CHML: variants seen among roughly 807,000 people sequenced by gnomAD.
CHML encodes rab proteins geranylgeranyltransferase component A 2.
A neutral mutation model predicts 30.4 loss-of-function variants in CHML; 20 were observed. That is an observed-to-expected ratio of 0.66 (90% CI 0.46 to 0.95). The LOEUF is 0.95. Among genes scored for constraint, CHML ranks in the 40% least tolerant of loss-of-function variants. The pLI, the probability that CHML is intolerant of heterozygous loss-of-function variation, is 0.00. For synonymous variants in CHML, 281 were observed against 275.0 expected (o/e 1.02, Z -0.22); for missense variants, 795 against 768.5 (o/e 1.03, Z -0.41).
At position 241,633,881 on chromosome 1, in the gene CHML, C is replaced by T. The variant is rs765054000; in HGVS notation, c.1886G>A (p.Gly629Glu). The change falls in exon 2 of 2, where the codon GGA becomes GAA. Residue 629 changes from glycine to glutamate, a missense_variant. Coordinates refer to ENST00000366553, the MANE Select transcript of CHML (RefSeq NM_001381853.1). ...TTTGGCCATTACTACATTATTGGTT[C>T]CAGGAGCCTCTGGCTGCTTATCATC... ...DGDDKQPEAP[G>E]TNNVVMAKLE... The T allele has an allele frequency of 1.2e-6, 2 of 1,613,822 alleles. No homozygotes were observed. The highest frequency in any genetic ancestry group is 1.1e-5 in the South Asian group (1 of 91,068).
In CHML at chr1:241,635,587, C is replaced by G. The variant is rs777799166; in HGVS notation, c.180G>C (p.Lys60Asn). The change falls in exon 2 of 2, where the codon AAG becomes AAC. Residue 60 changes from lysine (K) to asparagine (N), a missense_variant. Transcript: ENST00000366553. ...CAATGTCATTGTTTTGCTGATACTC[C>G]TTCAACCAGGATAGCAATCCTGAAA... ...FSFSGLLSWL[K>N]EYQQNNDIGE... is the part of the protein sequence containing the mutation. 6.2e-7 allele frequency: 1 copy of G among 1,614,006 alleles called. No individual in the cohort carries two copies. Among genetic ancestry groups the G allele is most frequent in the Non-Finnish European group, 8.5e-7 (1 of 1,179,968 alleles).
chr1:241,640,313 C>G lies in CHML; in HGVS notation c.-739G>C, dbSNP rs1665078282. ...GCTCAGCTTGCGGCGGGGCTCGCGG[C>G]GCGCTCCGCACTGGGTGGGGTTGGG... On this transcript the variant is annotated 5_prime_UTR_variant, in exon 1 of 2. Transcript: ENST00000366553. 9.1e-7 allele frequency: 1 copy of G among 1,098,984 alleles called. No homozygotes were observed. The highest frequency in any genetic ancestry group is 1.1e-6 in the Non-Finnish European group (1 of 906,808). 68.1% of individuals were successfully genotyped at this position (1,098,984 alleles called of 1,614,324 possible).
chr1:241,636,345 CTAACTT>C (rs1180341570), intron 1 of CHML, among the ~76,000 whole-genome samples: 1 of 152,208 alleles, frequency 6.6e-6, no homozygotes, highest in African/African-American at 2.4e-5. Flanking sequence ...ATACAATTCT[CTAACTT>C]TAGCTTTTAA....
At position 241,634,289 on chromosome 1, in the gene CHML, T is replaced by C. The variant is rs1664778552; in HGVS notation, c.1478A>G (p.Glu493Gly). The part of the protein sequence containing the change: ...EPGACAVRVT[E>G]LCSSTMTCMK... ...GCATGTCATGGTTGAAGAACATAAT[T>C]CTGTGACCCGTACAGCACAAGCTCC... Residue 493 changes from glutamate (E) to glycine (G), a missense_variant, in exon 2 of 2, where the codon GAA becomes GGA. By Grantham distance (98) the Glu-to-Gly change is moderately conservative (BLOSUM62 -2). Coordinates refer to ENST00000366553, the MANE Select transcript of CHML (RefSeq NM_001381853.1). The C allele has an allele frequency of 6.2e-7, 1 of 1,613,802 alleles. No individual in the cohort carries two copies.
chr1:241,635,140 G>C lies in CHML; in HGVS notation c.627C>G (p.Ala209=). 2 of 1,612,596 alleles carry C rather than the reference G, an allele frequency of 1.2e-6. No individual in the cohort carries two copies. Among genetic ancestry groups the C allele is most frequent in the Non-Finnish European group, 1.7e-6 (2 of 1,179,878 alleles). Residue 209 remains alanine, a synonymous_variant, in exon 2 of 2, where the codon GCC becomes GCG. Transcript: ENST00000366553. Reference sequence around the variant, plus strand: ...TAATCCTATTTCTAATTGGTTCATCGGCCTTATCTTCTACTGTAGATTTGC... The same window carrying C: ...TAATCCTATTTCTAATTGGTTCATCCGCCTTATCTTCTACTGTAGATTTGC... ...DESKSTVEDK[A]DEPIRNRITY...
At chr1:241,638,045 G>A (rs1222055573) in intron 1 of CHML, among the ~76,000 whole-genome samples, 5 of 152,068 alleles carry the variant, frequency 3.3e-5, no homozygotes, top group Non-Finnish European at 7.4e-5. Flanking sequence ...AATCATCTTC[G>A]CTAAAAACTT....
rs1664790009 is a variant in CHML, at chr1:241,634,471, T to A, written c.1296A>T (p.Lys432Asn). ...GGTAACTGTCTTCCACAATAAAATATTTAGCATTTATTCTTTGACCAAAGT... is the reference window on the plus strand; with the variant it reads ...GGTAACTGTCTTCCACAATAAAATAATTAGCATTTATTCTTTGACCAAAGT... The part of the protein sequence containing the change: ...IDHFGQRINA[K>N]YFIVEDSYLS... The change falls in exon 2 of 2, where the codon AAA becomes AAT. Residue 432 changes from lysine (K) to asparagine (N), a missense_variant. Physicochemically the swap from Lys to Asn is moderately conservative, Grantham distance 94 (BLOSUM62 0). Transcript: ENST00000366553. 2 of 1,613,760 alleles carry A rather than the reference T, an allele frequency of 1.2e-6. No individual in the cohort carries two copies. The highest frequency in any genetic ancestry group is 1.1e-5 in the South Asian group (1 of 91,080).
Position 241,633,905 on chromosome 1 carries a change from T to C in CHML, c.1862A>G (p.Asp621Gly). The C allele has an allele frequency of 1.2e-6, 2 of 1,613,922 alleles. No individual in the cohort carries two copies. Among genetic ancestry groups the C allele is most frequent in the South Asian group, 1.1e-5 (1 of 91,072 alleles). Residue 621 changes from aspartate to glycine, a missense_variant, in exon 2 of 2, where the codon GAT becomes GGT. Physicochemically the swap from Asp to Gly is moderately conservative, Grantham distance 94. Transcript: ENST00000366553. ...PNPEDIIFDG[D>G]DKQPEAPGTN... Reference sequence around the variant, plus strand: ...TCCAGGAGCCTCTGGCTGCTTATCATCACCATCAAAGATAATGTCTTCTGG... The same window carrying C: ...TCCAGGAGCCTCTGGCTGCTTATCACCACCATCAAAGATAATGTCTTCTGG...
chr1:241,636,975 G>C (rs922818943), intron 1 of CHML, among the ~76,000 whole-genome samples: 5 of 151,522 alleles, frequency 3.3e-5, no homozygotes, highest in Non-Finnish European at 7.4e-5. Flanking sequence ...AAAATAATAA[G>C]GTTCTCCTGT....
In CHML at chr1:241,635,053, C is replaced by T. The variant is rs1200033960; in HGVS notation, c.714G>A (p.Leu238=). 2 of 1,612,958 alleles carry T rather than the reference C, an allele frequency of 1.2e-6. No homozygotes were observed. The highest frequency in any genetic ancestry group is 1.7e-6 in the Non-Finnish European group (2 of 1,179,780). The part of the protein sequence containing the change: ...RFNIDLVSKL[L]YSQGLLIDLL... The stretch of plus-strand genomic sequence containing the variant: ...GATCAATTAGCAATCCTTGAGAATA[C>T]AGCAGTTTTGACACCAAATCAATAT... The change falls in exon 2 of 2, where the codon CTG becomes CTA. Residue 238 remains leucine, a synonymous_variant. Transcript: ENST00000366553.
intron 1 of CHML, among the ~76,000 whole-genome samples, 170 bp from the exon 2 acceptor site, chr1:241,636,243 C>G (rs780552249): frequency 9.9e-5 from 15 of 152,078 alleles, no homozygotes; most frequent in Non-Finnish European, 2.1e-4. Context: ...TGAGAATGGA[C>G]AATAGAGATA....
In CHML at chr1:241,634,743, A is replaced by G. The variant is rs1171692537; in HGVS notation, c.1024T>C (p.Ser342Pro). ...TPNLQHFVLH[S>P]IAMTSESSCT... ...GATGATTCTGATGTCATTGCAATTG[A>G]GTGCAGTACAAAATGTTGAAGGTTG... The change falls in exon 2 of 2, where the codon TCA (serine) becomes CCA (proline). Residue 342 changes from serine (S) to proline (P), a missense_variant. By Grantham distance (74) the Ser-to-Pro change is moderately conservative. Transcript: ENST00000366553. 4 of 1,614,000 alleles carry G rather than the reference A, an allele frequency of 2.5e-6. No individual in the cohort carries two copies.
Position 241,634,899 on chromosome 1 carries a change from T to TGA in CHML, c.866_867dup (p.Thr290SerfsTer9), listed in dbSNP as rs1558447836. On this transcript the variant is annotated frameshift_variant, in exon 2 of 2. Transcript: ENST00000366553. LOFTEE classifies it high-confidence loss of function. ...ATTAGCATCCTCTTTTCAACCATGG[T>TGA]GAGTTCCTTGCTATTAAAGACATCT... is the stretch of plus-strand genomic sequence containing the variant. The TGA allele has an allele frequency of 6.2e-7, 1 of 1,611,064 alleles. No homozygotes were observed. The highest frequency in any genetic ancestry group is 1.7e-4 in the Middle Eastern group (1 of 6,036).
Position 241,635,545 on chromosome 1 carries a change from A to T in CHML, c.222T>A (p.Val74=), listed in dbSNP as rs1463425767. 1.2e-6 allele frequency: 2 copies of T among 1,614,092 alleles called. No individual in the cohort carries two copies. Among genetic ancestry groups the T allele is most frequent in the South Asian group, 2.2e-5 (2 of 91,078 alleles). ...TTTCATGGATCAGGTCCTGCCATAC[A>T]ACAGTACTTTCTTCCCCAATGTCAT... ...QNNDIGEEST[V]VWQDLIHETE... is the part of the protein sequence containing the mutation. Residue 74 remains valine, a synonymous_variant, in exon 2 of 2, where the codon GTT becomes GTA. Transcript: ENST00000366553.
In CHML at chr1:241,634,845, C is replaced by A; in HGVS notation, c.922G>T (p.Glu308Ter). Residue 308 changes from glutamate to a stop codon, truncating the protein, a stop_gained, in exon 2 of 2, where the codon GAA (glutamate) becomes TAA (stop). Transcript: ENST00000366553. LOFTEE classifies it high-confidence loss of function. ...MKFLTFCLEYEQHPDEYQAFR... is the reference protein window; with the variant it reads ...MKFLTFCLEY ...GCTTGGTATTCATCAGGATGTTGTT[C>A]ATACTCTAAACAAAATGTGAGAAAT... 1 of 1,611,450 alleles carries A rather than the reference C, an allele frequency of 6.2e-7. No individual in the cohort carries two copies. The highest frequency in any genetic ancestry group is 1.3e-5 in the African/African-American group (1 of 74,780).
chr1:241,636,659 T>A (rs1188902615), intron 1 of CHML, among the ~76,000 whole-genome samples: 1 of 152,230 alleles, frequency 6.6e-6, no homozygotes, highest in Non-Finnish European at 1.5e-5. Context: ...TAAAAATATT[T>A]AGGCTCATAA....
rs1222515292 is a variant in CHML, at chr1:241,633,771, A to C, written c.*25T>G. ...TTCTGATGCCATGAAGGAGGTCCAA[A>C]ACAGCATTTCGAGATTGCTCTTTTC... is the stretch of plus-strand genomic sequence containing the variant. On this transcript the variant is annotated 3_prime_UTR_variant, in exon 2 of 2. Coordinates refer to ENST00000366553, the MANE Select transcript of CHML (RefSeq NM_001381853.1). 4.8e-5 allele frequency: 78 copies of C among 1,610,666 alleles called. No homozygotes were observed. Among genetic ancestry groups the C allele is most frequent in the Non-Finnish European group, 6.1e-5 (72 of 1,178,840 alleles).
intron 1 of CHML, chr1:241,639,374 T>G (rs982877014): frequency 3.3e-5 from 5 of 152,322 alleles, no homozygotes; most frequent in African/African-American, 1.2e-4. Flanking sequence ...AGAATTTTTT[T>G]TTACACATTG....
intron 1 of CHML, among the ~76,000 whole-genome samples, chr1:241,637,909 T>A (rs116750606): frequency 0.015 from 2,291 of 152,206 alleles, 37 homozygotes; most frequent in Non-Finnish European, 0.02. Context: ...ATTTTTAACT[T>A]CCTCCCCTTC....
Sources: allele counts gnomAD v4.1 joint callset (sites outside exome capture counted in the v4.1 genomes callset), GRCh38; gene constraint gnomAD v4.1.1; transcripts MANE v1.5; gene names NCBI Gene and HGNC (gene_info 2026-07-23, HGNC 2026-07-21).